CCDC195: variants seen among roughly 807,000 people sequenced by gnomAD.
CCDC195 encodes the protein coiled-coil domain containing 195, also known as coiled-coil domain-containing protein 195.
chr2:224,709,578 A>C (rs1689284510), intron 2 of CCDC195, among the ~76,000 whole-genome samples: 1 of 152,204 alleles, frequency 6.6e-6, no homozygotes, highest in African/African-American at 2.4e-5. Flanking sequence ...TTCAGCTCTT[A>C]AAGTAACTGT....
At chr2:224,715,931 T>C (rs1009458554) in intron 1 of CCDC195, among the ~76,000 whole-genome samples, 200 bp downstream of exon 1, 2 of 152,206 alleles carry the variant, frequency 1.3e-5, no homozygotes, top group Admixed American at 6.5e-5. Context: ...GTAATTTTAG[T>C]GTTGCTATAA....
At chr2:224,707,988 C>CTCCCTCCCTCCCTCCCTCCG (rs1689242373) in intron 2 of CCDC195, among the ~76,000 whole-genome samples, 1 of 68,410 alleles carries the variant, frequency 1.5e-5, no homozygotes, top group African/African-American at 9.7e-5. Context: ...CCCTCCCTCC[C>CTCCCTCCCTCCCTCCCTCCG]TCCCTCCCTC....
intron 1 of CCDC195, among the ~76,000 whole-genome samples, chr2:224,715,536 C>G (rs1223157286): frequency 2.4e-4 from 37 of 152,154 alleles, no homozygotes; most frequent in Admixed American, 2.4e-3. Context: ...ATAGTATCTG[C>G]CATTTGTTGT....
chr2:224,713,258 T>G (rs1392245743), intron 1 of CCDC195, among the ~76,000 whole-genome samples: 1 of 152,232 alleles, frequency 6.6e-6, no homozygotes, highest in African/African-American at 2.4e-5. Context: ...TTAAAACTAC[T>G]GATAAAAACT....
At chr2:224,707,004 T>C (rs774770866) in intron 2 of CCDC195, among the ~76,000 whole-genome samples, 2 of 152,054 alleles carry the variant, frequency 1.3e-5, no homozygotes, top group Non-Finnish European at 2.9e-5. Flanking sequence ...AACCCAATGA[T>C]TGAGTATTCA....
intron 1 of CCDC195, among the ~76,000 whole-genome samples, chr2:224,715,453 C>T (rs1689368005): frequency 6.6e-6 from 1 of 152,196 alleles, no homozygotes; most frequent in South Asian, 2.1e-4. Context: ...CTTCAATCTG[C>T]ATAGCAGGCT....
At chr2:224,709,950 G>T (rs1689294288) in intron 2 of CCDC195, 23 bp downstream of exon 2, 1 of 398,458 alleles carries the variant, frequency 2.5e-6, no homozygotes, top group South Asian at 1.3e-4. Context: ...CTATTCACCA[G>T]CTTGAAGTGT....
rs377764626 is a variant in CCDC195, at chr2:224,708,786, G to T, written c.482+1187C>A. Among the ~76,000 whole-genome samples the T allele has an allele frequency of 3.2e-4, 48 of 152,188 alleles. 1 individual carries two copies. The highest frequency in any genetic ancestry group is 1.1e-3 in the African/African-American group (47 of 41,498). The stretch of plus-strand genomic sequence containing the variant: ...ATATTTTTTGCATTTTCTCTTTCCC[G>T]TGATAAGCTAATAATCATGAGACCC... On this transcript the variant is annotated intron_variant, in intron 2 of 2. Transcript: ENST00000638102.
At position 224,704,901 on chromosome 2, in the gene CCDC195, C is replaced by A. The variant is rs188311064; in HGVS notation, c.483-1014G>T. ...CCTCCCGAAATGCTGGGATTTCAGGCATGAGCCACCATTCCCAGCCAGGCC... is the reference window on the plus strand; with the variant it reads ...CCTCCCGAAATGCTGGGATTTCAGGAATGAGCCACCATTCCCAGCCAGGCC... On this transcript the variant is annotated intron_variant, in intron 2 of 2. Coordinates refer to ENST00000638102, the Ensembl canonical transcript of CCDC195. Among the ~76,000 whole-genome samples, 389 of 152,240 alleles carry A rather than the reference C, an allele frequency of 2.6e-3. 1 individual carries two copies. The highest frequency in any genetic ancestry group is 7.3e-3 in the African/African-American group (305 of 41,564).
At chr2:224,714,900 C>T (rs1689362254) in intron 1 of CCDC195, among the ~76,000 whole-genome samples, 1 of 152,036 alleles carries the variant, frequency 6.6e-6, no homozygotes, top group South Asian at 2.1e-4. Context: ...TGACCTGTTC[C>T]ATTGTCAACC....
At chr2:224,704,661 C>T (rs1480959572) in intron 2 of CCDC195, among the ~76,000 whole-genome samples, 10 of 125,930 alleles carry the variant, frequency 7.9e-5, no homozygotes, top group Non-Finnish European at 1.1e-4. Context: ...CTCATTCTGT[C>T]GCCCAGGCTG....
exon 2 of CCDC195, chr2:224,710,108 C>A: frequency 2.5e-6 from 1 of 398,598 alleles, no homozygotes; most frequent in African/African-American, 2.1e-5. Flanking sequence ...TGTTCTCTGA[C>A]CTTCTAGAAT....
chr2:224,712,607 A>AC (rs1265540439), intron 1 of CCDC195, among the ~76,000 whole-genome samples: 1 of 152,148 alleles, frequency 6.6e-6, no homozygotes, highest in Non-Finnish European at 1.5e-5. Flanking sequence ...ATCTCACCAC[A>AC]CATACCAAGG....
rs1689379836 is a variant in CCDC195 at position 224,716,116 on chromosome 2, A to G, written c.235+15T>C. The stretch of plus-strand genomic sequence containing the variant: ...AAATGGGCACAGCCCACAAGAGCTC[A>G]GAATGTTTGGGTACCTTGGTGTTCC... On this transcript the variant is annotated intron_variant, in intron 1 of 2. Coordinates refer to ENST00000638102, the Ensembl canonical transcript of CCDC195. The G allele has an allele frequency of 1.8e-5, 7 of 398,476 alleles. No individual in the cohort carries two copies. The highest frequency in any genetic ancestry group is 2.7e-5 in the Non-Finnish European group (6 of 226,106). The allele number at this position is 398,476 out of a possible 1,614,324, so 24.7% of individuals were successfully genotyped here. A position where few individuals can be genotyped will look rare whatever the true frequency, so the allele number is the denominator to read the frequency against.
chr2:224,710,436 A>T lies in CCDC195; in HGVS notation c.236-217T>A, dbSNP rs192213137. 9.2e-5 allele frequency among the ~76,000 whole-genome samples: 14 copies of T among 152,318 alleles called. No individual in the cohort carries two copies. In the East Asian group the frequency reaches 2.7e-3, roughly 29 times the overall value. ...GGTGGGTGGATCACAAGGTCAGGCG[A>T]TGGTGACCATCCTGGCCAATATGAA... On this transcript the variant is annotated intron_variant, in intron 1 of 2. Coordinates refer to ENST00000638102, the Ensembl canonical transcript of CCDC195.
chr2:224,714,190 C>A (rs145694661), intron 1 of CCDC195, among the ~76,000 whole-genome samples: 1 of 152,088 alleles, frequency 6.6e-6, no homozygotes. Context: ...GAAATTACCA[C>A]CCATATGCTG....
At chr2:224,705,712 T>A (rs1276508554) in intron 2 of CCDC195, among the ~76,000 whole-genome samples, 1 of 152,158 alleles carries the variant, frequency 6.6e-6, no homozygotes, top group Non-Finnish European at 1.5e-5. Flanking sequence ...ATAAAAAAAA[T>A]GCTCAATTCC....
intron 2 of CCDC195, among the ~76,000 whole-genome samples, chr2:224,707,532 C>A (rs79653038): frequency 0.013 from 2,008 of 152,342 alleles, 40 homozygotes; most frequent in African/African-American, 0.046. Context: ...TGGTATCAAA[C>A]ATTTCATTAT....
intron 1 of CCDC195, among the ~76,000 whole-genome samples, chr2:224,712,199 C>T (rs1292998653): frequency 2.0e-5 from 3 of 152,174 alleles, no homozygotes; most frequent in Admixed American, 6.5e-5. Context: ...ATATTCAACA[C>T]AGCATCACAG....
Sources: allele counts gnomAD v4.1 joint callset (sites outside exome capture counted in the v4.1 genomes callset), GRCh38; gene constraint gnomAD v4.1.1; transcripts MANE v1.5; gene names NCBI Gene and HGNC (gene_info 2026-07-23, HGNC 2026-07-21).